PABPC4L: variants seen among roughly 807,000 people sequenced by gnomAD.
PABPC4L encodes poly(A) binding protein cytoplasmic 4 like.
For synonymous variants in PABPC4L, 169 were observed against 164.1 expected (o/e 1.03, Z -0.23); for missense variants, 452 against 451.4 (o/e 1.00, Z -0.01).
the PABPC4L span, among the ~76,000 whole-genome samples, chr4:134,169,909 T>G: frequency 6.6e-6 from 1 of 152,268 alleles, no homozygotes; most frequent in South Asian, 2.1e-4. Flanking sequence ...GGACTAAATA[T>G]GCAAGTGTGT....
At chr4:134,149,724 A>G in the PABPC4L span, among the ~76,000 whole-genome samples, 4 of 152,190 alleles carry the variant, frequency 2.6e-5, no homozygotes, top group African/African-American at 9.6e-5. Flanking sequence ...GTCAGAAAGA[A>G]ATCCATCTAA....
At chr4:133,980,799 C>G in the PABPC4L span, among the ~76,000 whole-genome samples, 5 of 152,256 alleles carry the variant, frequency 3.3e-5, no homozygotes, top group South Asian at 1.0e-3. Context: ...TAGCTAGCCT[C>G]GAAATATCCC....
the PABPC4L span, among the ~76,000 whole-genome samples, chr4:134,100,665 T>G: frequency 6.6e-6 from 1 of 151,652 alleles, no homozygotes; most frequent in Non-Finnish European, 1.5e-5. Flanking sequence ...CTGGGTTATA[T>G]AGTACTAGGA....
At chr4:134,076,185 T>A in the PABPC4L span, among the ~76,000 whole-genome samples, 1 of 151,894 alleles carries the variant, frequency 6.6e-6, no homozygotes, top group Admixed American at 6.6e-5. Flanking sequence ...AAAGTGGAAA[T>A]CAGAATTATG....
the PABPC4L span, among the ~76,000 whole-genome samples, chr4:133,977,407 G>A: frequency 1.1e-4 from 16 of 152,028 alleles, no homozygotes; most frequent in South Asian, 2.1e-4. Flanking sequence ...CTTTTTTGTC[G>A]TTCTGTATGA....
At chr4:134,087,180 C>A in the PABPC4L span, among the ~76,000 whole-genome samples, 1 of 151,832 alleles carries the variant, frequency 6.6e-6, no homozygotes, top group Non-Finnish European at 1.5e-5. Context: ...GGAACCAACC[C>A]AAATGTCCAA....
chr4:134,131,696 C>T, the PABPC4L span, among the ~76,000 whole-genome samples: 1 of 55,202 alleles, frequency 1.8e-5, no homozygotes, highest in Non-Finnish European at 3.0e-5. Context: ...AAAAACTATC[C>T]TAAAATTCCT....
the PABPC4L span, among the ~76,000 whole-genome samples, chr4:134,031,621 A>T: frequency 1.3e-5 from 2 of 151,926 alleles, no homozygotes; most frequent in Non-Finnish European, 2.9e-5. Context: ...TGCATGTACC[A>T]CTTCACTTCT....
At chr4:134,153,827 T>G in the PABPC4L span, among the ~76,000 whole-genome samples, 9 of 147,604 alleles carry the variant, frequency 6.1e-5, no homozygotes, top group Admixed American at 6.1e-4. Flanking sequence ...TTTTTTTTTT[T>G]TTTTTTTTTT....
chr4:134,197,154 A>C lies in PABPC4L; in HGVS notation c.*2753T>G, dbSNP rs1351218988. ...TTTTTAACAACTTTCTGCTTCTGAT[A>C]CATGTTTTGGTAAATACTTACCTAG... On this transcript the variant is annotated 3_prime_UTR_variant, in exon 2 of 2. Transcript: ENST00000421491. 1.3e-5 allele frequency: 2 copies of C among 151,762 alleles called. No individual in the cohort carries two copies. Among genetic ancestry groups the C allele is most frequent in the Non-Finnish European group, 3.0e-5 (2 of 67,680 alleles). 9.4% of individuals were successfully genotyped at this position (151,762 alleles called of 1,614,324 possible).
chr4:134,150,426 G>C, the PABPC4L span, among the ~76,000 whole-genome samples: 1 of 152,064 alleles, frequency 6.6e-6, no homozygotes, highest in African/African-American at 2.4e-5. Flanking sequence ...AATAAATATG[G>C]AGTATGTCTT....
At position 134,197,097 on chromosome 4, in the gene PABPC4L, A is replaced by G. The variant is rs2125707465; in HGVS notation, c.*2810T>C. ...AAGATGTCAAGGCCAGGCACACTTA[A>G]TACACTTTCCAGTCTTGTTGTCTGG... On this transcript the variant is annotated 3_prime_UTR_variant, in exon 2 of 2. Transcript: ENST00000421491. 1 of 151,872 alleles carries G rather than the reference A, an allele frequency of 6.6e-6. No homozygotes were observed. The highest frequency in any genetic ancestry group is 1.5e-5 in the Non-Finnish European group (1 of 67,668). 9.4% of individuals were successfully genotyped at this position (151,872 alleles called of 1,614,324 possible).
the PABPC4L span, among the ~76,000 whole-genome samples, chr4:133,953,992 A>T: frequency 6.6e-6 from 1 of 152,106 alleles, no homozygotes; most frequent in South Asian, 2.1e-4. Context: ...CACAAATGCA[A>T]CTCCTACCTG....
chr4:134,192,332 A>G (rs1286896292), downstream of PABPC4L, among the ~76,000 whole-genome samples: 1 of 152,040 alleles, frequency 6.6e-6, no homozygotes, highest in Admixed American at 6.6e-5. Flanking sequence ...AGAATATACA[A>G]ATCCCTAGAG....
chr4:134,042,628 A>C, the PABPC4L span, among the ~76,000 whole-genome samples: 1 of 152,194 alleles, frequency 6.6e-6, no homozygotes, highest in Non-Finnish European at 1.5e-5. Flanking sequence ...TTGCCATAAC[A>C]ACAAACTTGG....
At chr4:134,072,192 A>G in the PABPC4L span, among the ~76,000 whole-genome samples, 1 of 152,154 alleles carries the variant, frequency 6.6e-6, no homozygotes, top group South Asian at 2.1e-4. Flanking sequence ...TCCCTATCAA[A>G]TGCATTGTCC....
At chr4:134,016,100 G>T in the PABPC4L span, among the ~76,000 whole-genome samples, 1 of 151,974 alleles carries the variant, frequency 6.6e-6, no homozygotes, top group African/African-American at 2.4e-5. Flanking sequence ...AACACACTTG[G>T]TTTATTGATG....
the PABPC4L span, among the ~76,000 whole-genome samples, chr4:133,996,914 G>A: frequency 6.6e-6 from 1 of 152,168 alleles, no homozygotes; most frequent in Non-Finnish European, 1.5e-5. Flanking sequence ...TCAAAGGTTG[G>A]TTTCTAGAGA....
Position 134,200,070 on chromosome 4 carries a change from C to T in PABPC4L, c.950G>A (p.Gly317Glu). Residue 317 changes from glycine to glutamate, a missense_variant, in exon 2 of 2, where the codon GGA becomes GAA. By Grantham distance (98) the Gly-to-Glu change is moderately conservative. Coordinates refer to ENST00000421491, the MANE Select transcript of PABPC4L (RefSeq NM_001114734.2). ...CATTACCTTAACTCTGCTAATTGAT[C>T]CAAATGAAGAAAATTCGTTTCGTAG... ...EKLRNEFSSF[G>E]SISRVKVMQE... 1 of 1,551,642 alleles carries T rather than the reference C, an allele frequency of 6.4e-7. No homozygotes were observed. The highest frequency in any genetic ancestry group is 1.2e-5 in the South Asian group (1 of 84,052).
Sources: gnomAD v4.1 joint callset for allele counts (sites outside exome capture counted in the v4.1 genomes callset) on GRCh38, gnomAD v4.1.1 for gene constraint, MANE v1.5 for transcripts, NCBI Gene and HGNC (gene_info 2026-07-23, HGNC 2026-07-21) for gene names.